Variants in SV2C observed in about 807,000 individuals in gnomAD.
SV2C encodes the protein solute carrier family 22 member B3.
A neutral mutation model predicts 79.7 loss-of-function variants in SV2C; 49 were observed. That is an observed-to-expected ratio of 0.61 (90% CI 0.49 to 0.78). SV2C has a LOEUF of 0.78. Among genes scored for constraint, SV2C ranks in the 30% least tolerant of loss-of-function variants. The pLI is 0.00. For missense variants in SV2C, 833 were observed against 912.9 expected (o/e 0.91, Z 1.13); for synonymous variants, 334 against 333.2 (o/e 1.00, Z -0.03).
At chr5:75,869,393 T>G in the SV2C span, among the ~76,000 whole-genome samples, 4 of 152,138 alleles carry the variant, frequency 2.6e-5, no homozygotes, top group Non-Finnish European at 5.9e-5. Flanking sequence ...CCTGTGGTGG[T>G]AACGGCCACA....
At chr5:76,254,998 C>T (rs1484172996) in intron 4 of SV2C, among the ~76,000 whole-genome samples, 1 of 152,098 alleles carries the variant, frequency 6.6e-6, no homozygotes, top group African/African-American at 2.4e-5. Flanking sequence ...ATGGATTTTA[C>T]TTTGTCTACA....
chr5:75,941,081 C>T, the SV2C span, among the ~76,000 whole-genome samples: 1 of 152,150 alleles, frequency 6.6e-6, no homozygotes, highest in Non-Finnish European at 1.5e-5. Context: ...ATGCAAATTT[C>T]TTCATGAATG....
chr5:76,077,629 C>T, the SV2C span, among the ~76,000 whole-genome samples: 1 of 152,222 alleles, frequency 6.6e-6, no homozygotes, highest in Admixed American at 6.5e-5. Context: ...GAGCAATCCA[C>T]TTGCCAAACT....
intron 2 of SV2C, among the ~76,000 whole-genome samples, chr5:76,186,690 T>TCAAAAAAA (rs1743928686): frequency 6.6e-6 from 1 of 151,746 alleles, no homozygotes; most frequent in Non-Finnish European, 1.5e-5. Context: ...AGACCTTATC[T>TCAAAAAAA]CAAACAAACA....
At chr5:76,036,025 T>C in the SV2C span, among the ~76,000 whole-genome samples, 4 of 152,212 alleles carry the variant, frequency 2.6e-5, no homozygotes, top group South Asian at 2.1e-4. Flanking sequence ...TTTTGATCTT[T>C]GTTGGTTTAA....
chr5:75,915,820 A>G, the SV2C span, among the ~76,000 whole-genome samples: 1 of 152,178 alleles, frequency 6.6e-6, no homozygotes, highest in East Asian at 1.9e-4. Flanking sequence ...GCTTAACGAA[A>G]GGCTTAGAGC....
the SV2C span, among the ~76,000 whole-genome samples, chr5:75,896,645 T>G: frequency 6.6e-6 from 1 of 151,800 alleles, no homozygotes; most frequent in Non-Finnish European, 1.5e-5. Flanking sequence ...ATCGTCACAC[T>G]GACTTCCACA....
the SV2C span, among the ~76,000 whole-genome samples, chr5:75,922,992 G>T: frequency 6.6e-6 from 1 of 152,038 alleles, no homozygotes; most frequent in African/African-American, 2.4e-5. Context: ...GGCTACTGAG[G>T]CACAGAGGGA....
chr5:75,911,646 C>T, the SV2C span: 2 of 698,822 alleles, frequency 2.9e-6, no homozygotes, highest in Admixed American at 1.9e-5. Flanking sequence ...ACAATCAGAA[C>T]CCCGAAGAAC....
At chr5:75,855,330 A>G in the SV2C span, among the ~76,000 whole-genome samples, 2 of 152,182 alleles carry the variant, frequency 1.3e-5, no homozygotes, top group Admixed American at 6.5e-5. Context: ...AGAGAGAAAT[A>G]CAATTCATTG....
chr5:76,111,215 A>G lies in SV2C; in HGVS notation c.-101-20435A>G, dbSNP rs1173349336. Among the ~76,000 whole-genome samples, 3 of 152,096 alleles carry G rather than the reference A, an allele frequency of 2.0e-5. No homozygotes were observed. In the East Asian group the frequency reaches 5.8e-4, roughly 29 times the overall value. On this transcript the variant is annotated intron_variant, in intron 1 of 12. Transcript: ENST00000502798. ...GGACGGATTCTAAAAGATCCTCTAA[A>G]TGGAAGCAGAATCTATCAGATCTGT...
chr5:76,337,321 C>T (rs1041937414), downstream of SV2C, among the ~76,000 whole-genome samples: 1 of 152,074 alleles, frequency 6.6e-6, no homozygotes, highest in East Asian at 1.9e-4. Flanking sequence ...GGAAACCAGT[C>T]ATGCTGGATT....
At chr5:76,180,790 C>A (rs1206159280) in intron 2 of SV2C, among the ~76,000 whole-genome samples, 2 of 152,212 alleles carry the variant, frequency 1.3e-5, no homozygotes, top group African/African-American at 4.8e-5. Flanking sequence ...AGCCTTTCCT[C>A]TTCAGTTTTT....
At chr5:76,205,648 TC>T (rs1744586111) in intron 3 of SV2C, among the ~76,000 whole-genome samples, 1 of 152,218 alleles carries the variant, frequency 6.6e-6, no homozygotes, top group African/African-American at 2.4e-5. Context: ...CACTAAGGTC[TC>T]CACGTAAACT....
At chr5:75,983,598 TAAAA>T in the SV2C span, among the ~76,000 whole-genome samples, 1 of 144,242 alleles carries the variant, frequency 6.9e-6, no homozygotes, top group Non-Finnish European at 1.5e-5. Flanking sequence ...GGGCCAGCTT[TAAAA>T]AAAAAAAAAA....
the SV2C span, among the ~76,000 whole-genome samples, chr5:76,016,272 G>T: frequency 3.7e-5 from 1 of 26,996 alleles, no homozygotes; most frequent in Non-Finnish European, 7.8e-5. Context: ...AAAAAAAAAA[G>T]CTGTGCAATT....
chr5:76,122,486 A>C (rs1426948834), intron 1 of SV2C, among the ~76,000 whole-genome samples: 1 of 152,124 alleles, frequency 6.6e-6, no homozygotes, highest in Non-Finnish European at 1.5e-5. Flanking sequence ...TTGCCCATTC[A>C]GTATGATATT....
chr5:76,337,268 T>C (rs1283443094), downstream of SV2C, among the ~76,000 whole-genome samples: 1 of 152,154 alleles, frequency 6.6e-6, no homozygotes, highest in Non-Finnish European at 1.5e-5. Context: ...TCAGATAGTC[T>C]TCCCTCTTTA....
the SV2C span, among the ~76,000 whole-genome samples, chr5:75,904,599 C>T: frequency 2.0e-5 from 3 of 152,168 alleles, no homozygotes; most frequent in South Asian, 4.2e-4. Context: ...GCCCTGAATC[C>T]CAACAAATGA....
Sources: allele counts gnomAD v4.1 joint callset (sites outside exome capture counted in the v4.1 genomes callset), GRCh38; gene constraint gnomAD v4.1.1; transcripts MANE v1.5; gene names NCBI Gene and HGNC (gene_info 2026-07-23, HGNC 2026-07-21).